Variants in ZNF91 observed in about 807,000 individuals in gnomAD.
The protein encoded by ZNF91 is zinc finger protein 91 (HPF7, HTF10).
A neutral mutation model predicts 12.6 loss-of-function variants in ZNF91; 7 were observed. The ratio of observed to expected loss-of-function variants is 0.55; its 90% CI spans 0.31 to 1.04. ZNF91 has a LOEUF of 1.04. ZNF91 is among the 50% of genes least tolerant of loss of function. The probability of loss-of-function intolerance (pLI) is 0.05; values close to 1 mark genes in which losing one functional copy is unlikely to be tolerated. For synonymous variants in ZNF91, 453 were observed against 462.6 expected (o/e 0.98, Z 0.27); for missense variants, 1,217 against 1,385.4 (o/e 0.88, Z 1.93).
rs769891764 is a variant in ZNF91, at chr19:23,360,993, T to C, written c.1986A>G (p.Glu662=). ...AGGAATTGCTAAAAGCTTTGCCACA[T>C]TCTTTACATTTGTAGGGTTTCTCTC... ...HTGEKPYKCK[E]CGKAFSNSST... The change falls in exon 4 of 4, where the codon GAA becomes GAG. Residue 662 remains glutamate, a synonymous_variant. Transcript: ENST00000300619. The C allele has an allele frequency of 6.8e-6, 11 of 1,612,314 alleles. No homozygotes were observed. The East Asian group carries it at 2.2e-4, about 33-fold the overall frequency.
chr19:23,367,562 A>T (rs1367625143), intron 3 of ZNF91, among the ~76,000 whole-genome samples: 4 of 152,176 alleles, frequency 2.6e-5, no homozygotes, highest in African/African-American at 9.7e-5. Context: ...ACTGTTTGAG[A>T]TGTTAAAATT....
intron 1 of ZNF91, among the ~76,000 whole-genome samples, chr19:23,384,112 AAAAATT>A (rs1242569294): frequency 1.3e-5 from 2 of 152,214 alleles, no homozygotes; most frequent in Middle Eastern, 3.2e-3. Context: ...CCATCTAAAA[AAAAATT>A]AAAATTAAAA....
At position 23,359,576 on chromosome 19, in the gene ZNF91, T is replaced by C; in HGVS notation, c.3403A>G (p.Lys1135Glu). ...KIIHTGEKPY[K>E]CEKCGKAFNQ... is the part of the protein sequence containing the mutation. ...AAGGCTTTGCCACATTTTTCACATT[T>C]GTAGGGTTTCTCTCCAGTGTGAATT... Residue 1135 changes from lysine to glutamate, a missense_variant, in exon 4 of 4, where the codon AAA (lysine) becomes GAA (glutamate). Lys to Glu is a moderately conservative substitution (Grantham distance 56, BLOSUM62 1). Coordinates refer to ENST00000300619, the MANE Select transcript of ZNF91 (RefSeq NM_003430.4). The C allele has an allele frequency of 6.2e-7, 1 of 1,614,094 alleles. No individual in the cohort carries two copies. The highest frequency in any genetic ancestry group is 8.5e-7 in the Non-Finnish European group (1 of 1,179,954).
At chr19:23,337,530 A>G (rs1968038227), downstream of ZNF91, among the ~76,000 whole-genome samples, 1 of 151,812 alleles carries the variant, frequency 6.6e-6, no homozygotes, top group Non-Finnish European at 1.5e-5. Context: ...TGAAACAACT[A>G]TTTCTCCAGA....
At chr19:23,316,242 T>A (rs1218169255) in intron 1 of ZNF91, among the ~76,000 whole-genome samples, 1 of 148,254 alleles carries the variant, frequency 6.7e-6, no homozygotes, top group African/African-American at 2.5e-5. Flanking sequence ...ACCTAGAAAA[T>A]GGAAGGCTCC....
chr19:23,362,762 C>T (rs1968865596), intron 3 of ZNF91, 37 bp from the exon 4 acceptor site: 1 of 1,382,518 alleles, frequency 7.2e-7, no homozygotes, highest in Non-Finnish European at 9.4e-7. Flanking sequence ...AATTACTCCA[C>T]TCACCTAGAC....
chr19:23,373,961 T>A, intron 2 of ZNF91, 124 bp from the exon 3 acceptor site: 1 of 481,308 alleles, frequency 2.1e-6, no homozygotes, highest in South Asian at 5.9e-5. Context: ...TACTAATTTG[T>A]AACAGAAATG....
chr19:23,371,577 CATATT>C (rs2145090783), intron 3 of ZNF91, among the ~76,000 whole-genome samples: 1 of 152,114 alleles, frequency 6.6e-6, no homozygotes, highest in East Asian at 1.9e-4. Context: ...ACAATAAACT[CATATT>C]AAGGAACTTA....
At chr19:23,370,229 AAC>A (rs925502620) in intron 3 of ZNF91, among the ~76,000 whole-genome samples, 18 of 152,246 alleles carry the variant, frequency 1.2e-4, no homozygotes, top group Admixed American at 3.3e-4. Flanking sequence ...CTTAAAAAAA[AAC>A]ACAAAAAACT....
intron 1 of ZNF91, among the ~76,000 whole-genome samples, chr19:23,318,007 A>C (rs955034590): frequency 6.6e-6 from 1 of 152,216 alleles, no homozygotes; most frequent in African/African-American, 2.4e-5. Context: ...CCCATCCCAC[A>C]GATGGAATTT....
chr19:23,378,046 AATT>A (rs1432088780), intron 1 of ZNF91, among the ~76,000 whole-genome samples: 4 of 152,216 alleles, frequency 2.6e-5, no homozygotes, highest in African/African-American at 9.6e-5. Flanking sequence ...AATTTAGATG[AATT>A]ATTATGTTTA....
At chr19:23,337,650 A>T (rs1044611512), downstream of ZNF91, among the ~76,000 whole-genome samples, 2 of 152,068 alleles carry the variant, frequency 1.3e-5, no homozygotes, top group Non-Finnish European at 2.9e-5. Context: ...AAGAAAAAAA[A>T]ATTCATTGAA....
chr19:23,375,941 A>G (rs1399927477), intron 1 of ZNF91, among the ~76,000 whole-genome samples: 1 of 152,204 alleles, frequency 6.6e-6, no homozygotes, highest in Non-Finnish European at 1.5e-5. Context: ...CAATTTAACC[A>G]TAAGAAAATA....
intron 1 of ZNF91, chr19:23,325,374 C>A (rs1019225551): frequency 6.6e-6 from 1 of 152,084 alleles, no homozygotes; most frequent in South Asian, 2.1e-4. Context: ...TCTGCAGCAA[C>A]CTTTGTGGTC....
chr19:23,381,563 G>C, intron 1 of ZNF91, among the ~76,000 whole-genome samples: 1 of 150,792 alleles, frequency 6.6e-6, no homozygotes, highest in Non-Finnish European at 1.5e-5. Flanking sequence ...CTGGATTCAA[G>C]TGATTCTCCT....
In ZNF91 at chr19:23,380,021, T is replaced by C. The variant is rs550935520; in HGVS notation, c.31-5257A>G. Among the ~76,000 whole-genome samples, 19 of 150,064 alleles carry C rather than the reference T, an allele frequency of 1.3e-4. No homozygotes were observed. The East Asian group carries it at 2.0e-3, about 16-fold the overall frequency. ...CCTGTAATCCCAGCACTTTAGGAGG[T>C]TGAGGTGGGCAGATCATGAGGTCAA... is the stretch of plus-strand genomic sequence containing the variant. On this transcript the variant is annotated intron_variant, in intron 1 of 3. Coordinates refer to ENST00000300619, the MANE Select transcript of ZNF91 (RefSeq NM_003430.4).
chr19:23,373,688 T>G (rs1182907683), intron 3 of ZNF91, 54 bp downstream of exon 3: 1 of 1,423,746 alleles, frequency 7.0e-7, no homozygotes, highest in African/African-American at 1.4e-5. Context: ...ACCTGCTTTC[T>G]TCTTGACTTT....
intron 3 of ZNF91, among the ~76,000 whole-genome samples, chr19:23,344,351 C>T (rs1340335963): frequency 6.6e-6 from 1 of 152,074 alleles, no homozygotes; most frequent in Non-Finnish European, 1.5e-5. Context: ...GCCTCGGCCT[C>T]CCAAATTGCT....
At chr19:23,381,171 CATAAT>C (rs1568400657) in intron 1 of ZNF91, among the ~76,000 whole-genome samples, 1 of 152,050 alleles carries the variant, frequency 6.6e-6, no homozygotes, top group East Asian at 1.9e-4. Flanking sequence ...ATATACTACT[CATAAT>C]GTATGTAGGA....
Sources: gnomAD v4.1 joint callset for allele counts (sites outside exome capture counted in the v4.1 genomes callset) on GRCh38, gnomAD v4.1.1 for gene constraint, MANE v1.5 for transcripts, NCBI Gene and HGNC (gene_info 2026-07-23, HGNC 2026-07-21) for gene names.